Variants in INTS6 observed in about 807,000 individuals in gnomAD.
INTS6 encodes the protein DEAD box protein.
INTS6 carries 16 observed loss-of-function variants against 104.9 expected under a neutral mutation model. That is an observed-to-expected ratio of 0.15 (90% confidence interval 0.10 to 0.23). The LOEUF (loss-of-function observed/expected upper bound fraction) is 0.23. Among genes scored for constraint, INTS6 ranks in the 10% least tolerant of loss-of-function variants. The pLI is 1.00. For synonymous variants in INTS6, 324 were observed against 358.7 expected, an observed-to-expected ratio of 0.90 and a Z score of 1.09; for missense variants, 584 against 1,062.8, an observed-to-expected ratio of 0.55 and a Z score of 6.26.
rs149817118 is a variant in INTS6 at position 51,389,772 on chromosome 13, A to T, written c.614-328T>A. ...TTATGTTTTTTAAAACATATATATA[A>T]AAAACACTATCTCCAACTGTTATGC... On this transcript the variant is annotated intron_variant, in intron 5 of 17. Transcript: ENST00000311234. Among the ~76,000 whole-genome samples the T allele has an allele frequency of 3.0e-4, 45 of 152,246 alleles. No individual in the cohort carries two copies. The East Asian group carries it at 6.9e-3, about 23-fold the overall frequency.
At chr13:51,395,197 C>A in intron 5 of INTS6, 103 bp downstream of exon 5, 1 of 1,135,266 alleles carries the variant, frequency 8.8e-7, no homozygotes, top group Non-Finnish European at 1.2e-6. Context: ...CTAATATTAA[C>A]TTGTGAAATA....
intron 3 of INTS6, chr13:51,443,668 G>A (rs1268386194): frequency 6.6e-6 from 1 of 151,908 alleles, no homozygotes; most frequent in African/African-American, 2.4e-5. Flanking sequence ...GACCAGCCTG[G>A]GTAACACAGA....
intron 7 of INTS6, chr13:51,385,105 T>C (rs1387559284): frequency 1.3e-5 from 2 of 153,534 alleles, no homozygotes; most frequent in Non-Finnish European, 2.9e-5. Flanking sequence ...ACAGACTCCA[T>C]ACTTCAGCCA....
At chr13:51,408,624 T>C (rs1038062770) in intron 4 of INTS6, among the ~76,000 whole-genome samples, 43 of 152,244 alleles carry the variant, frequency 2.8e-4, no homozygotes, top group Admixed American at 2.7e-3. Context: ...ATGTTATGTA[T>C]GTCCCTATTT....
At chr13:51,432,396 G>A (rs1957107521) in intron 3 of INTS6, among the ~76,000 whole-genome samples, 1 of 151,006 alleles carries the variant, frequency 6.6e-6, no homozygotes, top group Non-Finnish European at 1.5e-5. Context: ...TAACACTGCA[G>A]AAGTATACAC....
At chr13:51,338,193 T>C in the INTS6 span, among the ~76,000 whole-genome samples, 2 of 152,342 alleles carry the variant, frequency 1.3e-5, no homozygotes, top group East Asian at 3.8e-4. Context: ...CTGCTACCAC[T>C]GGCAAATAGT....
intron 4 of INTS6, among the ~76,000 whole-genome samples, chr13:51,420,123 T>C (rs142595215): frequency 6.6e-6 from 1 of 152,310 alleles, no homozygotes; most frequent in Non-Finnish European, 1.5e-5. Flanking sequence ...GTATAAATCA[T>C]GATCCATGTT....
At chr13:51,359,542 C>A (rs1169971093), downstream of INTS6, among the ~76,000 whole-genome samples, 4 of 152,082 alleles carry the variant, frequency 2.6e-5, no homozygotes, top group African/African-American at 9.7e-5. Context: ...TTTCAAAATA[C>A]TGAAATAGCC....
intron 15 of INTS6, 57 bp from the exon 16 acceptor site, chr13:51,369,367 A>C: frequency 6.7e-7 from 1 of 1,497,414 alleles, no homozygotes. Flanking sequence ...GCATACAGTA[A>C]ATAAAGCTAC....
At chr13:51,442,446 T>C (rs1952816151) in intron 3 of INTS6, 2 of 152,306 alleles carry the variant, frequency 1.3e-5, no homozygotes, top group Admixed American at 1.3e-4. Context: ...CCATTGATCA[T>C]GATCTTCACT....
chr13:51,355,002 G>C, intron 3 of INTS6: 2 of 1,007,468 alleles, frequency 2.0e-6, no homozygotes, highest in Middle Eastern at 2.4e-4. Context: ...AGTATATTGA[G>C]TGAGAATTTT....
intron 3 of INTS6, among the ~76,000 whole-genome samples, chr13:51,431,363 A>G (rs1957086980): frequency 6.6e-6 from 1 of 152,224 alleles, no homozygotes; most frequent in South Asian, 2.1e-4. Flanking sequence ...CTTAATGTGC[A>G]TATGAGCCAC....
intron 4 of INTS6, among the ~76,000 whole-genome samples, chr13:51,416,087 T>A (rs1956781745): frequency 6.6e-6 from 1 of 152,150 alleles, no homozygotes; most frequent in Non-Finnish European, 1.5e-5. Context: ...AAGGACATTA[T>A]TAGTGATCTT....
intron 3 of INTS6, chr13:51,437,567 TAATA>T (rs904537948): frequency 2.6e-4 from 39 of 152,314 alleles, no homozygotes; most frequent in African/African-American, 9.4e-4. Flanking sequence ...AAGAACTGCC[TAATA>T]AATGTTTCAG....
intron 7 of INTS6, among the ~76,000 whole-genome samples, chr13:51,386,420 C>T (rs1956142208): frequency 6.6e-6 from 1 of 151,998 alleles, no homozygotes; most frequent in Admixed American, 6.6e-5. Context: ...GAAGTTTCTC[C>T]ATAAAGCCAG....
intron 4 of INTS6, among the ~76,000 whole-genome samples, chr13:51,417,478 G>A (rs1343882741): frequency 1.9e-4 from 24 of 128,320 alleles, no homozygotes; most frequent in African/African-American, 2.6e-4. Context: ...TTTTTGAGAC[G>A]GAGTCTTGCT....
intron 15 of INTS6, among the ~76,000 whole-genome samples, chr13:51,371,435 A>G (rs1246658576): frequency 6.6e-6 from 1 of 152,036 alleles, no homozygotes; most frequent in Non-Finnish European, 1.5e-5. Context: ...TAAGTAGCCA[A>G]TTCTGTATCA....
chr13:51,344,465 G>T, the INTS6 span: 41 of 1,592,794 alleles, frequency 2.6e-5, no homozygotes, highest in South Asian at 4.4e-4. Context: ...ACTAGCGAAG[G>T]GGCCTCCAGA....
In INTS6 at chr13:51,387,531, G is replaced by T; in HGVS notation, c.749C>A (p.Pro250Gln). The change falls in exon 7 of 18, where the codon CCA becomes CAA. Residue 250 changes from proline to glutamine, a missense_variant. Around this residue, in one of 5 missense-constraint regions of INTS6, gnomAD observed 144 missense variants for 348.7 expected, o/e 0.41. Transcript: ENST00000311234. Reference protein sequence around the residue: ...PDPSPVEDGQPDISRPFGSQP... With the variant: ...PDPSPVEDGQQDISRPFGSQP... ...AGATCCAAAAGGCCTTGATATATCT[G>T]GCTGCCCATCTATAGCAAAGAAATT... 6.2e-7 allele frequency: 1 copy of T among 1,607,338 alleles called. No individual in the cohort carries two copies. Among genetic ancestry groups the T allele is most frequent in the Non-Finnish European group, 8.5e-7 (1 of 1,176,200 alleles).
Sources: allele counts gnomAD v4.1 joint callset (sites outside exome capture counted in the v4.1 genomes callset), GRCh38; gene constraint gnomAD v4.1.1; regional missense constraint gnomAD v4.1.1; transcripts MANE v1.5; gene names NCBI Gene and HGNC (gene_info 2026-07-23, HGNC 2026-07-21).